Variants in CSGALNACT1 observed in about 807,000 individuals in gnomAD.
CSGALNACT1 encodes chondroitin sulfate N-acetylgalactosaminyltransferase 1.
In CSGALNACT1, 52 loss-of-function variants were observed where a neutral mutation model predicts 51.0. That is an observed-to-expected ratio of 1.02 (90% CI 0.82 to 1.29). The LOEUF (loss-of-function observed/expected upper bound fraction) is 1.29. Among genes scored for constraint, CSGALNACT1 ranks in the 50% most tolerant of loss-of-function variants. The probability of loss-of-function intolerance (pLI) is 0.00; values close to 1 mark genes in which losing one functional copy is unlikely to be tolerated. For synonymous variants in CSGALNACT1, 341 were observed against 254.4 expected (o/e 1.34, Z -3.24); for missense variants, 935 against 679.2 (o/e 1.38, Z -4.19).
chr8:19,477,924 G>A lies in CSGALNACT1; in HGVS notation c.635-19282C>T, dbSNP rs117797432. Among the ~76,000 whole-genome samples, 846 of 152,270 alleles carry A rather than the reference G, an allele frequency of 5.6e-3. 2 individuals carry two copies. Among genetic ancestry groups the A allele is most frequent in the Non-Finnish European group, 9.4e-3 (637 of 68,022 alleles). On this transcript the variant is annotated intron_variant, in intron 4 of 9. Transcript: ENST00000454498. ...CGTCCAAACTACTAAGAAGCCATGC[G>A]CCAGTTAGACAGTCAAATATATTTC...
At chr8:19,406,028 C>A in exon 10 of CSGALNACT1, 1 of 1,614,236 alleles carries the variant, frequency 6.2e-7, no homozygotes, top group South Asian at 1.1e-5. Flanking sequence ...TAAAGGTGCA[C>A]ATCCTCTCCG....
At chr8:19,530,437 A>C (rs1006450988) in intron 3 of CSGALNACT1, among the ~76,000 whole-genome samples, 1 of 152,212 alleles carries the variant, frequency 6.6e-6, no homozygotes, top group African/African-American at 2.4e-5. Flanking sequence ...ATTAACATAG[A>C]TGAGTAACAG....
chr8:19,564,847 T>C (rs1249066700), intron 3 of CSGALNACT1, among the ~76,000 whole-genome samples: 1 of 152,234 alleles, frequency 6.6e-6, no homozygotes, highest in Non-Finnish European at 1.5e-5. Flanking sequence ...GCAAAACCTT[T>C]ATCTGGGTTG....
intron 6 of CSGALNACT1, among the ~76,000 whole-genome samples, chr8:19,437,371 G>C (rs1035715844): frequency 1.3e-5 from 2 of 152,168 alleles, no homozygotes; most frequent in Non-Finnish European, 2.9e-5. Context: ...AGGATTAGAA[G>C]CAACAGCCCA....
intron 3 of CSGALNACT1, among the ~76,000 whole-genome samples, chr8:19,581,248 T>C (rs1588648841): frequency 6.6e-6 from 1 of 152,118 alleles, no homozygotes; most frequent in Non-Finnish European, 1.5e-5. Flanking sequence ...GCAGCTAGGA[T>C]TGGGGAGCAA....
At chr8:19,575,009 T>C (rs2043862990) in intron 3 of CSGALNACT1, among the ~76,000 whole-genome samples, 1 of 151,400 alleles carries the variant, frequency 6.6e-6, no homozygotes, top group African/African-American at 2.4e-5. Flanking sequence ...CACTCCAGCC[T>C]GACAACAGAG....
chr8:19,639,773 A>C (rs1048687125), intron 1 of CSGALNACT1, among the ~76,000 whole-genome samples: 1 of 152,174 alleles, frequency 6.6e-6, no homozygotes, highest in Non-Finnish European at 1.5e-5. Flanking sequence ...ATCATAAACA[A>C]ATGGCAAAAT....
intron 4 of CSGALNACT1, among the ~76,000 whole-genome samples, chr8:19,475,181 A>G (rs2069224679): frequency 6.6e-6 from 1 of 152,198 alleles, no homozygotes; most frequent in South Asian, 2.1e-4. Context: ...CCACTTGACC[A>G]GAGTGTACAA....
At chr8:19,450,063 G>A (rs1586271672) in intron 5 of CSGALNACT1, among the ~76,000 whole-genome samples, 1 of 111,232 alleles carries the variant, frequency 9.0e-6, no homozygotes, top group East Asian at 2.9e-4. Context: ...GAAGAAGAAA[G>A]AAGAAAGAGG....
intron 1 of CSGALNACT1, among the ~76,000 whole-genome samples, chr8:19,626,390 GA>G (rs35917345): frequency 0.013 from 1,917 of 149,040 alleles, 17 homozygotes; most frequent in Non-Finnish European, 0.019. Context: ...AAAGGGGAAG[GA>G]AAAAAAAAAT....
intron 5 of CSGALNACT1, among the ~76,000 whole-genome samples, chr8:19,443,208 G>A (rs555740364): frequency 2.0e-5 from 3 of 152,248 alleles, no homozygotes; most frequent in South Asian, 4.1e-4. Context: ...CTCTGCTGAC[G>A]GTTTAGTTCA....
intron 1 of CSGALNACT1, among the ~76,000 whole-genome samples, chr8:19,719,345 G>A (rs1017402210): frequency 2.0e-5 from 3 of 152,146 alleles, no homozygotes; most frequent in East Asian, 1.9e-4. Context: ...CCTGTGATGC[G>A]AGGTTGACAA....
intron 1 of CSGALNACT1, among the ~76,000 whole-genome samples, chr8:19,719,776 T>G (rs754890108): frequency 2.5e-5 from 3 of 122,168 alleles, no homozygotes; most frequent in Non-Finnish European, 5.2e-5. Flanking sequence ...CTCTTCTTTA[T>G]GAGTAGCACC....
At chr8:19,442,729 A>C (rs560247892) in intron 5 of CSGALNACT1, among the ~76,000 whole-genome samples, 1 of 151,438 alleles carries the variant, frequency 6.6e-6, no homozygotes, top group Non-Finnish European at 1.5e-5. Context: ...AAAAAAAAAA[A>C]GACTATGAAG....
At chr8:19,635,156 T>A (rs1268442439) in intron 1 of CSGALNACT1, among the ~76,000 whole-genome samples, 2 of 152,210 alleles carry the variant, frequency 1.3e-5, no homozygotes, top group African/African-American at 4.8e-5. Flanking sequence ...GGCCTGGCCA[T>A]CAGGGCAGAG....
At chr8:19,504,434 C>A (rs1257904949) in intron 4 of CSGALNACT1, among the ~76,000 whole-genome samples, 1 of 152,178 alleles carries the variant, frequency 6.6e-6, no homozygotes, top group Non-Finnish European at 1.5e-5. Flanking sequence ...GAAGGTACTT[C>A]TTTTCCCAAA....
intron 1 of CSGALNACT1, among the ~76,000 whole-genome samples, chr8:19,620,166 T>A (rs1424201372): frequency 6.6e-6 from 1 of 151,566 alleles, no homozygotes; most frequent in East Asian, 1.9e-4. Context: ...TACAAAAAAA[T>A]TAGCCAGGAG....
chr8:19,586,407 GAAAAAA>G (rs34752027), intron 3 of CSGALNACT1, among the ~76,000 whole-genome samples: 61 of 94,838 alleles, frequency 6.4e-4, no homozygotes, highest in African/African-American at 1.8e-3. Context: ...TAGTCTTATA[GAAAAAA>G]AAAAAAAAAA....
intron 1 of CSGALNACT1, among the ~76,000 whole-genome samples, chr8:19,715,656 T>C (rs576288912): frequency 1.7e-4 from 26 of 152,318 alleles, no homozygotes; most frequent in African/African-American, 5.5e-4. Flanking sequence ...TGCCTAGTAA[T>C]TTTTATATTG....
Sources: gnomAD v4.1 joint callset for allele counts (sites outside exome capture counted in the v4.1 genomes callset) on GRCh38, gnomAD v4.1.1 for gene constraint, MANE v1.5 for transcripts, NCBI Gene and HGNC (gene_info 2026-07-23, HGNC 2026-07-21) for gene names.